Variants in DRD2 observed in about 807,000 individuals in gnomAD.
DRD2 encodes the protein dopamine receptor D2.
In DRD2, 8 loss-of-function variants were observed where a neutral mutation model predicts 38.0. The ratio of observed to expected loss-of-function variants is 0.21; its 90% CI spans 0.12 to 0.38. The LOEUF (loss-of-function observed/expected upper bound fraction) is 0.38. Ranked by LOEUF, DRD2 falls within the 10% of genes least tolerant of loss-of-function variation. DRD2 has a pLI of 1.00. For missense variants in DRD2, 403 were observed against 607.7 expected (o/e 0.66, Z 3.54); for synonymous variants, 230 against 238.6 (o/e 0.96, Z 0.33).
intron 1 of DRD2, among the ~76,000 whole-genome samples, 158 bp downstream of exon 1, chr11:113,474,918 G>T (rs1188781515): frequency 6.6e-6 from 1 of 151,968 alleles, no homozygotes; most frequent in Non-Finnish European, 1.5e-5. Context: ...CCGCCCGACG[G>T]GGAGCCCATG....
intron 1 of DRD2, among the ~76,000 whole-genome samples, chr11:113,454,079 A>G (rs1951243218): frequency 6.6e-6 from 1 of 152,158 alleles, no homozygotes; most frequent in African/African-American, 2.4e-5. Flanking sequence ...TCCTCACTCT[A>G]CATTTAAAGA....
chr11:113,419,620 A>C (rs997351702), intron 2 of DRD2, among the ~76,000 whole-genome samples: 1 of 152,136 alleles, frequency 6.6e-6, no homozygotes, highest in Non-Finnish European at 1.5e-5. Context: ...GGATGGAGTC[A>C]GGACAGGGAG....
chr11:113,453,857 A>G (rs970473152), intron 1 of DRD2, among the ~76,000 whole-genome samples: 5 of 152,218 alleles, frequency 3.3e-5, no homozygotes, highest in Admixed American at 2.0e-4. Flanking sequence ...ATAGAAGGTC[A>G]ATGTATATTA....
intron 1 of DRD2, among the ~76,000 whole-genome samples, chr11:113,467,354 G>A (rs1436051481): frequency 6.6e-6 from 1 of 152,166 alleles, no homozygotes; most frequent in Non-Finnish European, 1.5e-5. Flanking sequence ...CAACAAGAGG[G>A]ATTATCTTTA....
At chr11:113,445,591 C>T (rs1951139590) in intron 1 of DRD2, among the ~76,000 whole-genome samples, 1 of 152,226 alleles carries the variant, frequency 6.6e-6, no homozygotes, top group African/African-American at 2.4e-5. Flanking sequence ...CTCCTTCACC[C>T]TTGGATGGAG....
intron 1 of DRD2, among the ~76,000 whole-genome samples, chr11:113,447,935 C>A (rs560277818): frequency 6.6e-6 from 1 of 152,270 alleles, no homozygotes; most frequent in South Asian, 2.1e-4. Flanking sequence ...GGAGGGAGCT[C>A]AGGGTGCCCA....
chr11:113,416,795 T>A, intron 4 of DRD2, 68 bp downstream of exon 4: 1 of 1,586,124 alleles, frequency 6.3e-7, no homozygotes, highest in East Asian at 2.3e-5. Flanking sequence ...CTCTGCTCCC[T>A]CAGGGCCCTT....
At chr11:113,426,936 G>A (rs151280380) in intron 1 of DRD2, among the ~76,000 whole-genome samples, 62 of 152,290 alleles carry the variant, frequency 4.1e-4, no homozygotes, top group African/African-American at 1.3e-3. Flanking sequence ...TTACTCAATC[G>A]GCATTTATTG....
intron 2 of DRD2, among the ~76,000 whole-genome samples, chr11:113,423,613 C>T (rs1168496685): frequency 6.6e-6 from 1 of 152,194 alleles, no homozygotes; most frequent in African/African-American, 2.4e-5. Context: ...AGCATGGACT[C>T]CCAGGGTTAC....
chr11:113,464,955 T>C (rs574971918), intron 1 of DRD2, among the ~76,000 whole-genome samples: 23 of 152,318 alleles, frequency 1.5e-4, no homozygotes, highest in African/African-American at 5.3e-4. Context: ...GAATTTAAGA[T>C]ATCTTTTCAG....
intron 1 of DRD2, among the ~76,000 whole-genome samples, chr11:113,471,378 G>T (rs1405617595): frequency 1.3e-5 from 2 of 152,190 alleles, no homozygotes; most frequent in African/African-American, 4.8e-5. Context: ...AGCAATTTGT[G>T]CATCCTTAGT....
chr11:113,424,914 G>A (rs989149206), intron 1 of DRD2: 3 of 543,294 alleles, frequency 5.5e-6, no homozygotes, highest in Non-Finnish European at 6.6e-6. Flanking sequence ...TGCATAATAA[G>A]ATGAGCTTGA....
Position 113,418,022 on chromosome 11 carries a change from C to T in DRD2, c.395+5G>A, listed in dbSNP as rs1244894869. On this transcript the variant is annotated splice_donor_5th_base_variant and intron_variant, in intron 3 of 7. Coordinates refer to ENST00000362072, the MANE Select transcript of DRD2 (RefSeq NM_000795.4). ...AGCAACCTCTTCCACCCTGGCTGGG[C>T]TCACCTGTCGATGCTGATGGCACAC... 1.9e-6 allele frequency: 3 copies of T among 1,613,724 alleles called. No individual in the cohort carries two copies. The highest frequency in any genetic ancestry group is 2.2e-5 in the South Asian group (2 of 91,060).
intron 1 of DRD2, among the ~76,000 whole-genome samples, chr11:113,444,811 G>A (rs1000532000): frequency 3.3e-5 from 5 of 152,222 alleles, no homozygotes; most frequent in East Asian, 1.9e-4. Context: ...GTACTAGCTC[G>A]ACAGCTGGGG....
Position 113,424,453 on chromosome 11 carries a change from T to A in DRD2, c.199A>T (p.Thr67Ser), listed in dbSNP as rs201057025. ...CTGACGATCAGGTAGTTGGTGGTGG[T>A]CTGCAGCGCCTTCTCGCGGGACACA... ...MAVSREKALQ[T>S]TTNYLIVSLA... Residue 67 changes from threonine (T) to serine (S), a missense_variant, in exon 2 of 8, where the codon ACC becomes TCC. This residue lies in a region of DRD2 where 162 missense variants were observed against 254.5 expected (regional missense o/e 0.64). Coordinates refer to ENST00000362072, the MANE Select transcript of DRD2 (RefSeq NM_000795.4). 26 of 1,614,186 alleles carry A rather than the reference T, an allele frequency of 1.6e-5. No homozygotes were observed. The African/African-American group carries it at 3.2e-4, about 20-fold the overall frequency.
In DRD2 at chr11:113,412,879, G is replaced by T; in HGVS notation, c.815C>A (p.Ala272Asp). 1 of 1,610,862 alleles carries T rather than the reference G, an allele frequency of 6.2e-7. No homozygotes were observed. The change falls in exon 7 of 8, where the codon GCT (alanine) becomes GAT (aspartate). Residue 272 changes from alanine (A) to aspartate (D), a missense_variant. Coordinates refer to ENST00000362072, the MANE Select transcript of DRD2 (RefSeq NM_000795.4). ...SFPVNRRRVE[A>D]ARRAQELEME... is the part of the protein sequence containing the mutation. Reference sequence around the variant, plus strand: ...CTCCAGCTCCTGGGCTCGCCGGGCAGCCTCCTGCACCAGAGGCAGAGGGCT... The same window carrying T: ...CTCCAGCTCCTGGGCTCGCCGGGCATCCTCCTGCACCAGAGGCAGAGGGCT...
intron 1 of DRD2, among the ~76,000 whole-genome samples, chr11:113,437,850 G>T (rs1002134345): frequency 1.3e-5 from 2 of 152,200 alleles, no homozygotes; most frequent in African/African-American, 4.8e-5. Flanking sequence ...GTAGGTCTGG[G>T]CATCTTGCTT....
At chr11:113,415,146 A>C (rs1002937789) in intron 5 of DRD2, 1 of 391,286 alleles carries the variant, frequency 2.6e-6, no homozygotes, top group Non-Finnish European at 4.5e-6. Flanking sequence ...GGGGGTACCA[A>C]GCAAGAGTTG....
intron 1 of DRD2, among the ~76,000 whole-genome samples, chr11:113,446,845 T>G (rs1304135406): frequency 6.6e-6 from 1 of 152,164 alleles, no homozygotes; most frequent in Non-Finnish European, 1.5e-5. Flanking sequence ...CGAGTGAGGA[T>G]GAGGCCAACA....
Sources: allele counts gnomAD v4.1 joint callset (sites outside exome capture counted in the v4.1 genomes callset), GRCh38; gene constraint gnomAD v4.1.1; regional missense constraint gnomAD v4.1.1; transcripts MANE v1.5; gene names NCBI Gene and HGNC (gene_info 2026-07-23, HGNC 2026-07-21).